ASTN2: variants seen among roughly 807,000 people sequenced by gnomAD.
The protein encoded by ASTN2 is astrotactin 2, also known as astrotactin-2.
Under a neutral mutation model 139.8 loss-of-function variants are expected in ASTN2, and 54 were observed. The observed-to-expected ratio is 0.39, with a 90% CI of 0.31 to 0.48. The LOEUF is 0.48. ASTN2 is among the 20% of genes least tolerant of loss of function. The pLI is 0.95. For missense variants in ASTN2, 1,565 were observed against 1,725.1 expected, an observed-to-expected ratio of 0.91 and a Z score of 1.64; for synonymous variants, 756 against 719.5, an observed-to-expected ratio of 1.05 and a Z score of -0.81.
chr9:116,438,399 C>T (rs1847724760), intron 22 of ASTN2, among the ~76,000 whole-genome samples: 1 of 152,194 alleles, frequency 6.6e-6, no homozygotes, highest in Non-Finnish European at 1.5e-5. Context: ...GGATCTGGCT[C>T]CCACTGACCT....
At chr9:117,320,655 G>A (rs1382247964) in intron 1 of ASTN2, among the ~76,000 whole-genome samples, 2 of 152,090 alleles carry the variant, frequency 1.3e-5, no homozygotes, top group East Asian at 1.9e-4. Flanking sequence ...CCACCACTTT[G>A]TGCCTCCTTT....
intron 3 of ASTN2, among the ~76,000 whole-genome samples, chr9:117,201,080 A>G (rs1038784650): frequency 3.5e-5 from 5 of 144,270 alleles, no homozygotes; most frequent in African/African-American, 1.3e-4. Flanking sequence ...CTGGGATTCA[A>G]CTTCTTCCTG....
intron 10 of ASTN2, among the ~76,000 whole-genome samples, chr9:116,924,128 G>C (rs1002336925): frequency 6.6e-6 from 1 of 152,062 alleles, no homozygotes; most frequent in Admixed American, 6.6e-5. Context: ...GCTACTCCAG[G>C]CTAGGCACAG....
chr9:116,883,074 C>G (rs994018498), intron 10 of ASTN2, among the ~76,000 whole-genome samples: 1 of 152,142 alleles, frequency 6.6e-6, no homozygotes, highest in Non-Finnish European at 1.5e-5. Context: ...CAGATGATGA[C>G]ATATGCACAA....
intron 11 of ASTN2, among the ~76,000 whole-genome samples, chr9:116,859,914 G>C (rs1458640797): frequency 6.6e-6 from 1 of 152,232 alleles, no homozygotes; most frequent in African/African-American, 2.4e-5. Flanking sequence ...AGGTGGAACT[G>C]TTGGACATTT....
At chr9:116,914,182 A>G (rs1157266326) in intron 10 of ASTN2, among the ~76,000 whole-genome samples, 1 of 151,920 alleles carries the variant, frequency 6.6e-6, no homozygotes, top group East Asian at 1.9e-4. Flanking sequence ...ATACCAGGAA[A>G]GAAGCTGAAG....
chr9:116,521,535 T>C (rs373086566), intron 19 of ASTN2, among the ~76,000 whole-genome samples: 1 of 152,134 alleles, frequency 6.6e-6, no homozygotes, highest in Non-Finnish European at 1.5e-5. Flanking sequence ...CCTGAAACCA[T>C]AAAGATTCTA....
intron 22 of ASTN2, among the ~76,000 whole-genome samples, chr9:116,433,627 A>G (rs1422364193): frequency 1.3e-5 from 2 of 152,236 alleles, no homozygotes; most frequent in Admixed American, 1.3e-4. Context: ...TAAACTATGA[A>G]TATATACACA....
At chr9:116,565,293 A>C (rs1429142132) in intron 19 of ASTN2, among the ~76,000 whole-genome samples, 15 of 145,938 alleles carry the variant, frequency 1.0e-4, no homozygotes. Context: ...CAAGTAAACA[A>C]ATACATTCAG....
chr9:117,004,461 G>C (rs1837299328), intron 7 of ASTN2, among the ~76,000 whole-genome samples: 1 of 152,084 alleles, frequency 6.6e-6, no homozygotes, highest in Admixed American at 6.6e-5. Context: ...GCTGAAACAG[G>C]CTCCTGACTA....
intron 20 of ASTN2, among the ~76,000 whole-genome samples, chr9:116,445,138 T>C (rs1847948257): frequency 6.6e-6 from 1 of 152,150 alleles, no homozygotes; most frequent in South Asian, 2.1e-4. Flanking sequence ...AACACAGTAC[T>C]AGGCACACAG....
chr9:117,001,139 T>A (rs1351123986), intron 7 of ASTN2, among the ~76,000 whole-genome samples: 1 of 152,130 alleles, frequency 6.6e-6, no homozygotes. Flanking sequence ...TCCTTCTCCT[T>A]CCCTGTCACT....
intron 3 of ASTN2, among the ~76,000 whole-genome samples, chr9:117,175,836 A>T (rs957016289): frequency 4.6e-5 from 7 of 152,190 alleles, no homozygotes; most frequent in Non-Finnish European, 8.8e-5. Flanking sequence ...AGTTATTCAC[A>T]AAAAGTATAA....
chr9:116,984,276 G>C (rs1001934525), intron 7 of ASTN2, among the ~76,000 whole-genome samples: 1 of 152,182 alleles, frequency 6.6e-6, no homozygotes, highest in African/African-American at 2.4e-5. Flanking sequence ...CATCTGATCT[G>C]ACTGTTGGCC....
chr9:117,325,745 T>C (rs1485087315), intron 1 of ASTN2, among the ~76,000 whole-genome samples: 1 of 151,944 alleles, frequency 6.6e-6, no homozygotes, highest in African/African-American at 2.4e-5. Flanking sequence ...GGTTTGAGGA[T>C]TGTTAGAGAT....
chr9:117,336,496 T>A (rs13290856), intron 1 of ASTN2, among the ~76,000 whole-genome samples: 40,569 of 151,998 alleles, frequency 0.27, 6,759 homozygotes, highest in East Asian at 0.55. Flanking sequence ...TTGATCCCCA[T>A]CTCCTATCTG....
chr9:116,682,383 C>T (rs1859937461), intron 16 of ASTN2, among the ~76,000 whole-genome samples: 2 of 152,212 alleles, frequency 1.3e-5, no homozygotes. Context: ...ACAACAAGTG[C>T]TGGAGAGGAT....
At chr9:116,869,541 A>C (rs1833101638) in intron 10 of ASTN2, among the ~76,000 whole-genome samples, 1 of 152,178 alleles carries the variant, frequency 6.6e-6, no homozygotes, top group African/African-American at 2.4e-5. Context: ...ATCATGATGA[A>C]GTCACTCTCC....
chr9:116,508,893 G>A (rs1850231965), intron 19 of ASTN2, among the ~76,000 whole-genome samples: 1 of 152,128 alleles, frequency 6.6e-6, no homozygotes, highest in South Asian at 2.1e-4. Context: ...CAAGGAAGAG[G>A]TAGCTTGGAA....
Sources: allele counts gnomAD v4.1 joint callset (sites outside exome capture counted in the v4.1 genomes callset), GRCh38; gene constraint gnomAD v4.1.1; transcripts MANE v1.5; gene names NCBI Gene and HGNC (gene_info 2026-07-23, HGNC 2026-07-21).